Variants in PPP1R8 observed in about 807,000 individuals in gnomAD.
The protein encoded by PPP1R8 is protein phosphatase 1 regulatory subunit 8.
PPP1R8 carries 4 observed loss-of-function variants against 31.3 expected under a neutral mutation model. The ratio of observed to expected loss-of-function variants is 0.13; its 90% CI spans 0.06 to 0.29. PPP1R8 has a LOEUF of 0.29. PPP1R8 is among the 10% of genes least tolerant of loss of function. The pLI, the probability that PPP1R8 is intolerant of heterozygous loss-of-function variation, is 1.00. For synonymous variants in PPP1R8, 170 were observed against 169.7 expected, an observed-to-expected ratio of 1.00 and a Z score of -0.01; for missense variants, 254 against 440.1, an observed-to-expected ratio of 0.58 and a Z score of 3.78.
chr1:27,847,115 T>C, intron 6 of PPP1R8, 23 bp downstream of exon 6: 4 of 1,609,568 alleles, frequency 2.5e-6, no homozygotes, highest in Non-Finnish European at 2.6e-6. Flanking sequence ...TGAAATGCCA[T>C]ACAGTCTGTG....
chr1:27,846,934 T>C, intron 5 of PPP1R8, 94 bp from the exon 6 acceptor site: 2 of 1,036,552 alleles, frequency 1.9e-6, no homozygotes, highest in South Asian at 2.6e-5. Context: ...AATTTTAATA[T>C]GAGTTGTTGT....
chr1:27,839,189 C>T (rs1571549199), intron 3 of PPP1R8, among the ~76,000 whole-genome samples: 1 of 152,110 alleles, frequency 6.6e-6, no homozygotes, highest in Admixed American at 6.6e-5. Flanking sequence ...CACCACTGCA[C>T]TCCAGTCCGG....
At chr1:27,837,421 G>A (rs1333314703) in intron 2 of PPP1R8, among the ~76,000 whole-genome samples, 4 of 146,758 alleles carry the variant, frequency 2.7e-5, no homozygotes, top group East Asian at 2.1e-4. Context: ...ACAGAGACTC[G>A]TCTCAAAAAA....
chr1:27,843,001 T>G (rs957674638), intron 4 of PPP1R8, among the ~76,000 whole-genome samples, 185 bp from the exon 5 acceptor site: 25 of 152,226 alleles, frequency 1.6e-4, no homozygotes, highest in African/African-American at 6.0e-4. Context: ...CTAATGAGAC[T>G]TGAGACTTGT....
Position 27,838,676 on chromosome 1 carries a change from TATTTA to T in PPP1R8, c.118-15_118-11del, listed in dbSNP as rs1454243642. 3 of 1,391,418 alleles carry T rather than the reference TATTTA, an allele frequency of 2.2e-6. No individual in the cohort carries two copies. Among genetic ancestry groups the T allele is most frequent in the African/African-American group, 1.5e-5 (1 of 68,360 alleles). 86.2% of individuals were successfully genotyped at this position (1,391,418 alleles called of 1,614,324 possible). The stretch of plus-strand genomic sequence containing the variant: ...TGCTGTTGAAACAAGATTTAAGTAA[TATTTA>T]ATTTAATATTTATTTAGAAACTGAT... On this transcript the variant is annotated intron_variant, in intron 2 of 6. Transcript: ENST00000311772.
In PPP1R8 at chr1:27,830,909, C is replaced by T. The variant is rs1053732578; in HGVS notation, c.56+18C>T. The T allele has an allele frequency of 6.4e-7, 1 of 1,559,816 alleles. No homozygotes were observed. Among genetic ancestry groups the T allele is most frequent in the African/African-American group, 1.4e-5 (1 of 73,452 alleles). On this transcript the variant is annotated intron_variant, in intron 1 of 6. Coordinates refer to ENST00000311772, the MANE Select transcript of PPP1R8 (RefSeq NM_014110.5). ...CCAACCTGGTGAGTGGCGGGGCGGC[C>T]AGGGCTAGAGTGGCCCGGCCGGAGC...
intron 2 of PPP1R8, among the ~76,000 whole-genome samples, chr1:27,836,501 G>A (rs1238784469): frequency 3.3e-5 from 5 of 152,120 alleles, no homozygotes; most frequent in Non-Finnish European, 7.4e-5. Flanking sequence ...TGCAAGCTCT[G>A]CCTCCCGGGC....
chr1:27,841,377 G>A lies in PPP1R8; in HGVS notation c.492+143G>A, dbSNP rs949148875. The stretch of plus-strand genomic sequence containing the variant: ...AGTAATGGGCCTTTGGCAATCTGGT[G>A]TGGCCAGCTGTGACAGCTCTCGGAG... On this transcript the variant is annotated intron_variant, in intron 4 of 6. Coordinates refer to ENST00000311772, the MANE Select transcript of PPP1R8 (RefSeq NM_014110.5). 3.7e-6 allele frequency: 3 copies of A among 803,844 alleles called. No homozygotes were observed. In the East Asian group the frequency reaches 8.2e-5, roughly 22 times the overall value. 49.8% of individuals were successfully genotyped at this position (803,844 alleles called of 1,614,324 possible).
chr1:27,832,131 CAT>C (rs765150619), intron 1 of PPP1R8, among the ~76,000 whole-genome samples: 2 of 152,224 alleles, frequency 1.3e-5, no homozygotes, highest in African/African-American at 2.4e-5. Flanking sequence ...GGTGCTTTGA[CAT>C]ATGAGTCTCC....
intron 6 of PPP1R8, 25 bp downstream of exon 6, chr1:27,847,117 C>T (rs775155150): frequency 5.6e-6 from 9 of 1,608,396 alleles, no homozygotes; most frequent in Non-Finnish European, 6.8e-6. Context: ...AAATGCCATA[C>T]AGTCTGTGTT....
intron 5 of PPP1R8, among the ~76,000 whole-genome samples, chr1:27,844,950 G>T (rs1455592209): frequency 8.2e-6 from 1 of 121,584 alleles, no homozygotes; most frequent in Non-Finnish European, 1.7e-5. Flanking sequence ...AGGCAGGATG[G>T]TCTCGATCTC....
At chr1:27,836,580 A>G (rs887706911) in intron 2 of PPP1R8, among the ~76,000 whole-genome samples, 3 of 151,806 alleles carry the variant, frequency 2.0e-5, no homozygotes, top group African/African-American at 7.2e-5. Flanking sequence ...ACGCCCGGCT[A>G]ATTTTTTTTT....
intron 3 of PPP1R8, among the ~76,000 whole-genome samples, chr1:27,839,842 C>G (rs1029342788): frequency 1.3e-5 from 2 of 152,070 alleles, no homozygotes; most frequent in South Asian, 4.2e-4. Flanking sequence ...GTGAATCTCT[C>G]AAGCCCAGGA....
chr1:27,831,082 G>C, intron 1 of PPP1R8, 191 bp downstream of exon 1: 1 of 1,370,470 alleles, frequency 7.3e-7, no homozygotes, highest in East Asian at 2.9e-5. Context: ...CCAGGCCCAG[G>C]AACTGAAGAA....
intron 2 of PPP1R8, among the ~76,000 whole-genome samples, chr1:27,835,589 A>G (rs1392262442): frequency 1.3e-5 from 2 of 152,176 alleles, no homozygotes; most frequent in African/African-American, 2.4e-5. Flanking sequence ...AATTAATTGA[A>G]CCTTAAGGCT....
intron 2 of PPP1R8, among the ~76,000 whole-genome samples, chr1:27,833,814 ATTG>A (rs967469116): frequency 6.6e-6 from 1 of 152,184 alleles, no homozygotes; most frequent in African/African-American, 2.4e-5. Flanking sequence ...CTGTAAATAT[ATTG>A]TTGTCACTTT....
At chr1:27,849,751 T>C (rs2089321636) in intron 6 of PPP1R8, among the ~76,000 whole-genome samples, 1 of 152,162 alleles carries the variant, frequency 6.6e-6, no homozygotes, top group Non-Finnish European at 1.5e-5. Context: ...GGCATTTTAA[T>C]ATGAAATAAG....
chr1:27,850,017 A>G (rs2089325253), intron 6 of PPP1R8, 76 bp from the exon 7 acceptor site: 1 of 1,378,410 alleles, frequency 7.3e-7, no homozygotes, highest in Non-Finnish European at 9.8e-7. Context: ...CTGGAATAGA[A>G]AAAGCTAACC....
rs988556000 is a variant in PPP1R8, at chr1:27,851,558, A to G, written c.*1112A>G. 3.9e-6 allele frequency: 2 copies of G among 508,086 alleles called. No individual in the cohort carries two copies. The highest frequency in any genetic ancestry group is 7.9e-6 in the Non-Finnish European group (2 of 254,414). The allele number at this position is 508,086 out of a possible 1,614,324, so 31.5% of individuals were successfully genotyped here. A position where few individuals can be genotyped will look rare whatever the true frequency, so the allele number is the denominator to read the frequency against. ...GGTGCAGGCTGTGAATTTGTCTCTC[A>G]GTCACTGATTGCCACTGCCATCTGG... On this transcript the variant is annotated 3_prime_UTR_variant, in exon 7 of 7. Transcript: ENST00000311772.
Sources: gnomAD v4.1 joint callset for allele counts (sites outside exome capture counted in the v4.1 genomes callset) on GRCh38, gnomAD v4.1.1 for gene constraint, MANE v1.5 for transcripts, NCBI Gene and HGNC (gene_info 2026-07-23, HGNC 2026-07-21) for gene names.